The following F13A1 variants were observed in gnomAD, a reference collection of about 807,000 sequenced individuals.
F13A1 encodes coagulation factor XIII A chain, also known as FSF, A subunit.
Under a neutral mutation model 80.1 loss-of-function variants are expected in F13A1, and 47 were observed. The ratio of observed to expected loss-of-function variants is 0.59; its 90% CI spans 0.46 to 0.75. The LOEUF is 0.75. F13A1 is among the 30% of genes least tolerant of loss of function. The pLI is 0.00. For synonymous variants in F13A1, 349 were observed against 344.9 expected, an observed-to-expected ratio of 1.01 and a Z score of -0.13; for missense variants, 817 against 930.4, an observed-to-expected ratio of 0.88 and a Z score of 1.59.
At chr6:6,246,328 AT>A (rs1561666819) in intron 6 of F13A1, among the ~76,000 whole-genome samples, 1 of 152,208 alleles carries the variant, frequency 6.6e-6, no homozygotes, top group Non-Finnish European at 1.5e-5. Context: ...AACGGAACAG[AT>A]TTTGGAAAGA....
chr6:6,277,847 C>T (rs1758009531), intron 3 of F13A1, among the ~76,000 whole-genome samples: 1 of 152,194 alleles, frequency 6.6e-6, no homozygotes, highest in African/African-American at 2.4e-5. Context: ...TACATTAAGA[C>T]CCTCTTCATA....
At chr6:6,251,948 T>C (rs1176748997) in intron 4 of F13A1, among the ~76,000 whole-genome samples, 2 of 152,084 alleles carry the variant, frequency 1.3e-5, no homozygotes, top group Non-Finnish European at 2.9e-5. Context: ...GCGTGACTTA[T>C]GAAATATTTT....
At chr6:6,187,815 T>C (rs1761107370) in intron 10 of F13A1, among the ~76,000 whole-genome samples, 1 of 125,754 alleles carries the variant, frequency 8.0e-6, no homozygotes, top group African/African-American at 3.0e-5. Context: ...TTCCTCCTTG[T>C]ACCTCTGGTA....
chr6:6,318,719 G>T (rs750083050), intron 1 of F13A1, 37 bp from the exon 2 acceptor site: 34 of 1,590,064 alleles, frequency 2.1e-5, no homozygotes, highest in Non-Finnish European at 2.7e-5. Flanking sequence ...AACAGAAAAG[G>T]CATGTAAAGT....
rs781008089 is a variant in F13A1, at chr6:6,243,284, C to A, written c.798+5028G>T. On this transcript the variant is annotated intron_variant, in intron 6 of 14. Transcript: ENST00000264870. The surrounding 1 kb of genome is among the most constrained non-coding windows in gnomAD (Gnocchi z 4.2). ...TCATCACTATCACCACCATAATCAC[C>A]CTACCATCACCACCATTATTATCAC... Among the ~76,000 whole-genome samples, 1 of 151,470 alleles carries A rather than the reference C, an allele frequency of 6.6e-6. No individual in the cohort carries two copies. The highest frequency in any genetic ancestry group is 1.5e-5 in the Non-Finnish European group (1 of 67,832).
intron 3 of F13A1, among the ~76,000 whole-genome samples, chr6:6,297,383 C>T (rs1020381464): frequency 3.1e-4 from 47 of 150,922 alleles, no homozygotes; most frequent in Non-Finnish European, 5.7e-4. Context: ...GTCCTGGACT[C>T]TTTTTGGTTG....
At chr6:6,155,711 G>C (rs888227391) in intron 13 of F13A1, among the ~76,000 whole-genome samples, 9 of 152,130 alleles carry the variant, frequency 5.9e-5, no homozygotes, top group African/African-American at 2.2e-4. Context: ...TTCTTTTGAG[G>C]AAAATGCTGC....
intron 12 of F13A1, among the ~76,000 whole-genome samples, chr6:6,173,026 T>G (rs1180997000): frequency 6.6e-6 from 1 of 152,116 alleles, no homozygotes; most frequent in African/African-American, 2.4e-5. Context: ...TACACTTTTC[T>G]CTTCAGTGCC....
chr6:6,209,337 A>C (rs1444672757), intron 8 of F13A1, among the ~76,000 whole-genome samples: 1 of 151,808 alleles, frequency 6.6e-6, no homozygotes, highest in African/African-American at 2.4e-5. Context: ...AAAAAAAAAA[A>C]AACAGAAAAT....
chr6:6,231,864 GACAA>G (rs199559852), intron 6 of F13A1, among the ~76,000 whole-genome samples: 4,522 of 152,130 alleles, frequency 0.03, 226 homozygotes, highest in African/African-American at 0.1. Context: ...GCCTTTTTCA[GACAA>G]ACAAATGCTG....
intron 6 of F13A1, among the ~76,000 whole-genome samples, chr6:6,238,061 T>C (rs1347134433): frequency 6.6e-6 from 1 of 152,194 alleles, no homozygotes; most frequent in Non-Finnish European, 1.5e-5. Context: ...TTTGAAGGTT[T>C]ACTAGAGGAA....
At chr6:6,212,437 C>A (rs535515421) in intron 8 of F13A1, among the ~76,000 whole-genome samples, 49 of 152,240 alleles carry the variant, frequency 3.2e-4, no homozygotes, top group African/African-American at 9.9e-4. Context: ...CTCACACGGC[C>A]GGGTACTCCA....
chr6:6,155,698 T>G (rs1483773121), intron 13 of F13A1, among the ~76,000 whole-genome samples: 1 of 152,172 alleles, frequency 6.6e-6, no homozygotes, highest in African/African-American at 2.4e-5. Flanking sequence ...TCCCTCTCCT[T>G]GCTTCTTTTG....
chr6:6,165,312 G>T (rs1583050854), intron 13 of F13A1, among the ~76,000 whole-genome samples: 1 of 152,088 alleles, frequency 6.6e-6, no homozygotes, highest in African/African-American at 2.4e-5. Context: ...TGTGCCCTGG[G>T]GAATTAAACT....
chr6:6,278,378 A>C (rs1758016564), intron 3 of F13A1, among the ~76,000 whole-genome samples: 1 of 152,166 alleles, frequency 6.6e-6, no homozygotes, highest in Non-Finnish European at 1.5e-5. Flanking sequence ...ATTTGAGAAG[A>C]GACTTGAGAA....
chr6:6,222,622 C>A (rs1463613853), intron 7 of F13A1, among the ~76,000 whole-genome samples: 1 of 152,176 alleles, frequency 6.6e-6, no homozygotes, highest in South Asian at 2.1e-4. Context: ...GTGGGTGACA[C>A]CACAGATTCA....
In F13A1 at chr6:6,304,546, A is replaced by C. The variant is rs998912462; in HGVS notation, c.319+805T>G. Among the ~76,000 whole-genome samples the C allele has an allele frequency of 7.9e-5, 12 of 152,260 alleles. No individual in the cohort carries two copies. In the Middle Eastern group the frequency reaches 0.01, roughly 129 times the overall value. Reference sequence around the variant, plus strand: ...GGTCCTTCCCCAGACCTTTGAAGCTAATGTGCATCGTTAATCTTCAAGAGG... The same window carrying C: ...GGTCCTTCCCCAGACCTTTGAAGCTCATGTGCATCGTTAATCTTCAAGAGG... On this transcript the variant is annotated intron_variant, in intron 3 of 14. Transcript: ENST00000264870.
intron 8 of F13A1, among the ~76,000 whole-genome samples, chr6:6,210,324 G>GATATATATATAGATATAT (rs1761580899): frequency 8.4e-5 from 7 of 82,882 alleles, no homozygotes; most frequent in African/African-American, 3.5e-4. Flanking sequence ...TGTAGCATGT[G>GATATATATATAGATATAT]ATATATATAT....
rs761712989 is a variant in F13A1 at position 6,162,086 on chromosome 6, C to T, written c.1908+5372G>A. On this transcript the variant is annotated intron_variant, in intron 13 of 14. Transcript: ENST00000264870. The surrounding 1 kb of genome is among the most constrained non-coding windows in gnomAD (Gnocchi z 4.2). ...AGAAGGGAGGAAGAAAAAGCGGCTC[C>T]GACTTGTGGGAGAGCAGAGTTGACA... Among the ~76,000 whole-genome samples the T allele has an allele frequency of 2.6e-5, 4 of 152,078 alleles. No individual in the cohort carries two copies. Among genetic ancestry groups the T allele is most frequent in the East Asian group, 1.9e-4 (1 of 5,190 alleles).
Sources: allele counts gnomAD v4.1 joint callset (sites outside exome capture counted in the v4.1 genomes callset), GRCh38; gene constraint gnomAD v4.1.1; non-coding constraint Gnocchi (gnomAD v3.1); transcripts MANE v1.5; gene names NCBI Gene and HGNC (gene_info 2026-07-23, HGNC 2026-07-21).